The following TRAM1 variants were observed in gnomAD, a reference collection of about 807,000 sequenced individuals.
TRAM1 encodes translocation associated membrane protein 1.
TRAM1 carries 17 observed loss-of-function variants against 48.7 expected under a neutral mutation model. The ratio of observed to expected loss-of-function variants is 0.35; its 90% CI spans 0.24 to 0.52. TRAM1 has a LOEUF of 0.52. TRAM1 is among the 20% of genes least tolerant of loss of function. TRAM1 has a pLI of 0.94. For missense variants in TRAM1, 351 were observed against 441.5 expected, an observed-to-expected ratio of 0.79 and a Z score of 1.84; for synonymous variants, 182 against 154.0, an observed-to-expected ratio of 1.18 and a Z score of -1.34.
At chr8:70,584,135 T>C (rs556203474) in intron 8 of TRAM1, among the ~76,000 whole-genome samples, 3 of 152,340 alleles carry the variant, frequency 2.0e-5, no homozygotes, top group African/African-American at 4.8e-5. Flanking sequence ...AGGCTATATA[T>C]CACACTCAGA....
At chr8:70,606,995 C>T (rs931711852) in intron 1 of TRAM1, 1 of 940,644 alleles carries the variant, frequency 1.1e-6, no homozygotes, top group East Asian at 1.2e-4. Flanking sequence ...AATACAGACT[C>T]GTAAAAATAC....
In TRAM1 at chr8:70,587,134, A is replaced by G. The variant is rs1817239822; in HGVS notation, c.613T>C (p.Phe205Leu). 6.2e-7 allele frequency: 1 copy of G among 1,613,942 alleles called. No homozygotes were observed. The highest frequency in any genetic ancestry group is 1.3e-5 in the African/African-American group (1 of 74,936). Residue 205 changes from phenylalanine (F) to leucine (L), a missense_variant, in exon 7 of 11, where the codon TTC (phenylalanine) becomes CTC (leucine). Phe to Leu is a conservative substitution (Grantham distance 22). Coordinates refer to ENST00000262213, the MANE Select transcript of TRAM1 (RefSeq NM_014294.6). ...AAAAGGTAAGCTCCAGCAATGTGGA[A>G]GAGGTAAAGACCAATGTAGACAAGC... The part of the protein sequence containing the change: ...RQLVYIGLYL[F>L]HIAGAYLLNL...
intron 1 of TRAM1, chr8:70,606,729 T>A (rs1817727384): frequency 8.5e-6 from 2 of 235,536 alleles, no homozygotes; most frequent in Non-Finnish European, 1.4e-5. Context: ...GTTTCAAACA[T>A]GCATGACACA....
At chr8:70,607,577 C>A in intron 1 of TRAM1, 5 of 778,176 alleles carry the variant, frequency 6.4e-6, no homozygotes, top group Non-Finnish European at 7.8e-6. Flanking sequence ...CCTGTGGTCT[C>A]CAGGCCGGCA....
intron 1 of TRAM1, among the ~76,000 whole-genome samples, chr8:70,604,760 T>C (rs532216720): frequency 6.6e-6 from 1 of 152,150 alleles, no homozygotes; most frequent in Non-Finnish European, 1.5e-5. Flanking sequence ...TGAATATCTT[T>C]CCTTTTGAAT....
rs1387700435 is a variant in TRAM1, at chr8:70,608,280, C to T, written c.-81G>A. ...CTGCTCACCGACTCGCCGCCGCCTC[C>T]CGCTGGCTGCTCCTCACGGCCCCGC... On this transcript the variant is annotated 5_prime_UTR_variant, in exon 1 of 11. Coordinates refer to ENST00000262213, the MANE Select transcript of TRAM1 (RefSeq NM_014294.6). The T allele has an allele frequency of 2.7e-6, 4 of 1,479,576 alleles. No homozygotes were observed. Among genetic ancestry groups the T allele is most frequent in the African/African-American group, 2.9e-5 (2 of 68,682 alleles). 91.7% of individuals were successfully genotyped at this position (1,479,576 alleles called of 1,614,324 possible).
chr8:70,608,031 G>C (rs1264070677), intron 1 of TRAM1, 46 bp downstream of exon 1: 1 of 1,547,532 alleles, frequency 6.5e-7, no homozygotes, highest in Non-Finnish European at 8.7e-7. Context: ...CCCGGGCCCG[G>C]GCTGGAGGTG....
chr8:70,579,441 G>A (rs1441236682), intron 10 of TRAM1, among the ~76,000 whole-genome samples: 2 of 152,166 alleles, frequency 1.3e-5, no homozygotes, highest in African/African-American at 2.4e-5. Flanking sequence ...TATTTAGCAC[G>A]TAACTATATA....
Position 70,574,621 on chromosome 8 carries a change from T to C in TRAM1, c.*311A>G, listed in dbSNP as rs977932686. On this transcript the variant is annotated 3_prime_UTR_variant, in exon 11 of 11. Transcript: ENST00000262213. ...ACAGCAAGAAATTGTATCACTGATA[T>C]GTGGAATTTTTGTAAATAGTTTTCT... is the stretch of plus-strand genomic sequence containing the variant. 9 of 234,234 alleles carry C rather than the reference T, an allele frequency of 3.8e-5. No homozygotes were observed. The highest frequency in any genetic ancestry group is 7.0e-5 in the African/African-American group (3 of 42,820). The allele number at this position is 234,234 out of a possible 1,614,324, so 14.5% of individuals were successfully genotyped here.
chr8:70,597,668 C>CCA (rs777035611), intron 4 of TRAM1, among the ~76,000 whole-genome samples: 1 of 36,008 alleles, frequency 2.8e-5, no homozygotes, highest in African/African-American at 1.2e-4. Context: ...GACTCTGTCT[C>CCA]AAAAAAAAAA....
chr8:70,580,497 T>C (rs1817052962), intron 10 of TRAM1, among the ~76,000 whole-genome samples: 1 of 151,982 alleles, frequency 6.6e-6, no homozygotes, highest in Non-Finnish European at 1.5e-5. Flanking sequence ...ATTGACAAAA[T>C]CTAACAACCT....
intron 10 of TRAM1, among the ~76,000 whole-genome samples, chr8:70,576,213 T>C (rs2132021270): frequency 6.6e-6 from 1 of 151,662 alleles, no homozygotes; most frequent in South Asian, 2.1e-4. Context: ...TACAAATCAA[T>C]GCTCCAAAGA....
chr8:70,587,449 G>T (rs1423031262), intron 6 of TRAM1: 2 of 339,064 alleles, frequency 5.9e-6, no homozygotes, highest in Non-Finnish European at 1.1e-5. Flanking sequence ...CCTCAATTAG[G>T]TATATAGCAT....
intron 1 of TRAM1, among the ~76,000 whole-genome samples, chr8:70,606,624 C>G (rs1042069212): frequency 6.6e-6 from 1 of 152,064 alleles, no homozygotes. Flanking sequence ...CTTGGGTCAC[C>G]CAGTAGGTAG....
In TRAM1 at chr8:70,608,113, A is replaced by G; in HGVS notation, c.87T>C (p.Cys29=). ...VLQNHADIVS[C]VAMVFLLGLM... is the part of the protein sequence containing the mutation. ...GCCCCAGCAGGAAGACCATCGCCAC[A>G]CAGGAGACGATGTCCGCGTGATTCT... The change falls in exon 1 of 11, where the codon TGT becomes TGC. Residue 29 remains cysteine, a synonymous_variant. Coordinates refer to ENST00000262213, the MANE Select transcript of TRAM1 (RefSeq NM_014294.6). 6.3e-7 allele frequency: 1 copy of G among 1,599,708 alleles called. No individual in the cohort carries two copies. Among genetic ancestry groups the G allele is most frequent in the South Asian group, 1.1e-5 (1 of 89,612 alleles).
At chr8:70,593,696 G>A (rs912097695) in intron 6 of TRAM1, among the ~76,000 whole-genome samples, 2 of 152,048 alleles carry the variant, frequency 1.3e-5, no homozygotes, top group African/African-American at 4.8e-5. Context: ...GATGTGCTGG[G>A]ATTACAAAAC....
At chr8:70,575,429 T>A (rs2132020309) in intron 10 of TRAM1, among the ~76,000 whole-genome samples, 1 of 152,288 alleles carries the variant, frequency 6.6e-6, no homozygotes, top group Non-Finnish European at 1.5e-5. Flanking sequence ...TTTATGTTAC[T>A]GTTGTTTTTT....
chr8:70,600,967 C>T (rs887290338), intron 1 of TRAM1, among the ~76,000 whole-genome samples: 4 of 152,058 alleles, frequency 2.6e-5, no homozygotes, highest in Non-Finnish European at 2.9e-5. Flanking sequence ...CATCAGGAAG[C>T]GTTAGAAAAG....
At chr8:70,602,739 A>G (rs1280831167) in intron 1 of TRAM1, among the ~76,000 whole-genome samples, 2 of 152,194 alleles carry the variant, frequency 1.3e-5, no homozygotes, top group Non-Finnish European at 2.9e-5. Context: ...TTGCAATATT[A>G]TCTACTAGCA....
Sources: allele counts gnomAD v4.1 joint callset (sites outside exome capture counted in the v4.1 genomes callset), GRCh38; gene constraint gnomAD v4.1.1; transcripts MANE v1.5; gene names NCBI Gene and HGNC (gene_info 2026-07-23, HGNC 2026-07-21).